Variants in UNC13B observed in about 807,000 individuals in gnomAD.
UNC13B encodes unc-13 homolog B.
Under a neutral mutation model 211.0 loss-of-function variants are expected in UNC13B, and 144 were observed. That is an observed-to-expected ratio of 0.68 (90% CI 0.60 to 0.78). The LOEUF (loss-of-function observed/expected upper bound fraction) is 0.78, where lower values mean the gene tolerates loss of function less well. Ranked by LOEUF, UNC13B falls within the 30% of genes least tolerant of loss-of-function variation. The pLI is 0.00. For missense variants in UNC13B, 1,777 were observed against 2,002.0 expected (o/e 0.89, Z 2.14); for synonymous variants, 709 against 725.8 (o/e 0.98, Z 0.37).
At chr9:35,236,671 C>G (rs1825531854) in intron 4 of UNC13B, 85 bp downstream of exon 4, 3 of 1,205,070 alleles carry the variant, frequency 2.5e-6, no homozygotes, top group Non-Finnish European at 3.6e-6. Flanking sequence ...TAATATTCAT[C>G]CATGCATCTT....
At position 35,231,182 on chromosome 9, in the gene UNC13B, CG is replaced by C; in HGVS notation, c.116del (p.Arg39LeufsTer22). 6.2e-7 allele frequency: 1 copy of C among 1,613,294 alleles called. No individual in the cohort carries two copies. Among genetic ancestry groups the C allele is most frequent in the Non-Finnish European group, 8.5e-7 (1 of 1,179,426 alleles). ...TGTGAAGAGCACAACTGTAGCAGTT[CG>C]TGGTGATCAGCCTTCCTGGGAACAG... is the stretch of plus-strand genomic sequence containing the variant. Reference protein sequence around the residue: ...QNVKSTTVAVRGDQPSWEQDF... With the variant: ...QNVKSTTVAVXGDQPSWEQDF... On this transcript the variant is annotated frameshift_variant, in exon 3 of 40. Transcript: ENST00000635942. LOFTEE classifies it high-confidence loss of function.
intron 1 of UNC13B, among the ~76,000 whole-genome samples, chr9:35,202,360 G>C (rs1370483030): frequency 2.0e-5 from 3 of 152,114 alleles, no homozygotes; most frequent in African/African-American, 7.2e-5. Flanking sequence ...AGGTCCGCTT[G>C]GTGCAGAGTT....
chr9:35,283,171 T>G (rs572350895), intron 7 of UNC13B, among the ~76,000 whole-genome samples: 13 of 152,336 alleles, frequency 8.5e-5, no homozygotes, highest in African/African-American at 2.9e-4. Flanking sequence ...CTATGGCACT[T>G]TCTCAGTTTG....
chr9:35,205,831 C>T (rs1330202080), intron 1 of UNC13B, among the ~76,000 whole-genome samples: 2 of 152,086 alleles, frequency 1.3e-5, no homozygotes, highest in Admixed American at 6.5e-5. Context: ...CACTTTTGGA[C>T]TGTAATGAGT....
At chr9:35,244,298 G>A (rs950836257) in intron 6 of UNC13B, among the ~76,000 whole-genome samples, 14 of 152,162 alleles carry the variant, frequency 9.2e-5, no homozygotes, top group Non-Finnish European at 1.3e-4. Context: ...AGTGAATTAT[G>A]AAATAGAGCT....
intron 20 of UNC13B, 150 bp downstream of exon 20, chr9:35,381,869 C>T: frequency 1.1e-6 from 1 of 936,004 alleles, no homozygotes; most frequent in East Asian, 2.4e-5. Context: ...GGTCTATGCC[C>T]CAAGACAAGA....
At chr9:35,216,286 C>T (rs975522306) in intron 1 of UNC13B, among the ~76,000 whole-genome samples, 2 of 152,122 alleles carry the variant, frequency 1.3e-5, no homozygotes, top group Non-Finnish European at 2.9e-5. Context: ...CTGTATTGCT[C>T]CTGCTAAGTA....
chr9:35,268,694 T>C (rs891381513), intron 7 of UNC13B, among the ~76,000 whole-genome samples: 1 of 152,204 alleles, frequency 6.6e-6, no homozygotes, highest in African/African-American at 2.4e-5. Context: ...ACAGCTGATG[T>C]CAATTTGTCC....
chr9:35,343,042 C>T (rs957956263), intron 11 of UNC13B, among the ~76,000 whole-genome samples: 11 of 152,204 alleles, frequency 7.2e-5, no homozygotes, highest in Non-Finnish European at 1.0e-4. Context: ...TGCACACATG[C>T]GCAATAGACA....
At chr9:35,212,756 GC>G (rs1294821909) in intron 1 of UNC13B, among the ~76,000 whole-genome samples, 1 of 152,136 alleles carries the variant, frequency 6.6e-6, no homozygotes, top group African/African-American at 2.4e-5. Flanking sequence ...TCTCCCTTGG[GC>G]TAAAATGGAA....
intron 13 of UNC13B, among the ~76,000 whole-genome samples, chr9:35,374,447 T>G: frequency 7.6e-6 from 1 of 132,106 alleles, no homozygotes; most frequent in Non-Finnish European, 1.6e-5. Flanking sequence ...TGTGCAAGAG[T>G]GTGGCTAGCA....
At chr9:35,400,920 G>A (rs1836254065) in intron 37 of UNC13B, among the ~76,000 whole-genome samples, 1 of 152,186 alleles carries the variant, frequency 6.6e-6, no homozygotes, top group African/African-American at 2.4e-5. Context: ...CTGCTGAAGG[G>A]AGGGTGTGGA....
At position 35,381,616 on chromosome 9, in the gene UNC13B, C is replaced by T. The variant is rs1395957432; in HGVS notation, c.10552C>T (p.Arg3518Ter). The T allele has an allele frequency of 1.9e-6, 3 of 1,614,178 alleles. No homozygotes were observed. Among genetic ancestry groups the T allele is most frequent in the Admixed American group, 1.7e-5 (1 of 60,020 alleles). ...GSGGVRIPEA[R>*]GDDAWKVYFD... ...TGGAGGAGTCCGCATCCCTGAAGCTCGAGGAGACGATGCCTGGAAGGTGTA... is the reference window on the plus strand; with the variant it reads ...TGGAGGAGTCCGCATCCCTGAAGCTTGAGGAGACGATGCCTGGAAGGTGTA... The change falls in exon 20 of 40, where the codon CGA becomes TGA. Residue 3518 changes from arginine to a stop codon, truncating the protein, a stop_gained. Transcript: ENST00000635942. LOFTEE classifies it high-confidence loss of function.
At chr9:35,311,783 C>A (rs1044742033) in intron 10 of UNC13B, among the ~76,000 whole-genome samples, 60 of 152,114 alleles carry the variant, frequency 3.9e-4, no homozygotes, top group African/African-American at 1.4e-3. Context: ...TTAACCCACC[C>A]CTCAGCCTCC....
chr9:35,358,242 T>C (rs1833161153), intron 11 of UNC13B, among the ~76,000 whole-genome samples: 1 of 152,192 alleles, frequency 6.6e-6, no homozygotes, highest in South Asian at 2.1e-4. Flanking sequence ...CTTTTGGCTA[T>C]TGTGAACAAT....
chr9:35,297,561 T>TTTTTTTTTTTTTTTTTTTTGTTTTTTG, intron 8 of UNC13B, among the ~76,000 whole-genome samples: 9 of 128,160 alleles, frequency 7.0e-5, no homozygotes, highest in Non-Finnish European at 1.2e-4. Flanking sequence ...TTTTTTTTTT[T>TTTTTTTTTTTTTTTTTTTTGTTTTTTG]TTTTTTGAGA....
intron 11 of UNC13B, among the ~76,000 whole-genome samples, chr9:35,334,601 C>T (rs779369214): frequency 1.3e-5 from 2 of 152,202 alleles, no homozygotes; most frequent in African/African-American, 2.4e-5. Context: ...TGGCTTTCTA[C>T]GTGTATTTTC....
intron 1 of UNC13B, among the ~76,000 whole-genome samples, chr9:35,204,629 A>G (rs1318939702): frequency 6.6e-6 from 1 of 152,208 alleles, no homozygotes; most frequent in East Asian, 1.9e-4. Flanking sequence ...ATGACTGCCT[A>G]CTGGGTTTGG....
chr9:35,238,139 T>C (rs1329382442), intron 5 of UNC13B, among the ~76,000 whole-genome samples: 2 of 152,246 alleles, frequency 1.3e-5, no homozygotes, highest in African/African-American at 2.4e-5. Context: ...ATTTATTGTC[T>C]TGAAGTGACT....
Sources: allele counts gnomAD v4.1 joint callset (sites outside exome capture counted in the v4.1 genomes callset), GRCh38; gene constraint gnomAD v4.1.1; transcripts MANE v1.5; gene names NCBI Gene and HGNC (gene_info 2026-07-23, HGNC 2026-07-21).